Variants in PTPRR observed in about 807,000 individuals in gnomAD.
PTPRR encodes the protein protein tyrosine phosphatase receptor type R.
Under a neutral mutation model 77.2 loss-of-function variants are expected in PTPRR, and 38 were observed. The ratio of observed to expected loss-of-function variants is 0.49; its 90% CI spans 0.38 to 0.65. The LOEUF (loss-of-function observed/expected upper bound fraction) is 0.65. Ranked by LOEUF, PTPRR falls within the 30% of genes least tolerant of loss-of-function variation. The pLI is 0.00. For missense variants in PTPRR, 744 were observed against 799.2 expected (o/e 0.93, Z 0.83); for synonymous variants, 299 against 283.1 (o/e 1.06, Z -0.57).
intron 10 of PTPRR, among the ~76,000 whole-genome samples, chr12:70,669,969 T>C (rs1457166293): frequency 2.0e-5 from 3 of 152,130 alleles, no homozygotes; most frequent in South Asian, 2.1e-4. Flanking sequence ...ACATGTGTAA[T>C]TAAAATGAAT....
chr12:70,667,856 G>A (rs1887068347), intron 10 of PTPRR, among the ~76,000 whole-genome samples: 2 of 151,910 alleles, frequency 1.3e-5, no homozygotes, highest in Non-Finnish European at 2.9e-5. Flanking sequence ...TAGACCCTCT[G>A]GTTGTGGGAC....
At chr12:70,682,413 C>T (rs1211375541) in intron 10 of PTPRR, among the ~76,000 whole-genome samples, 1 of 152,168 alleles carries the variant, frequency 6.6e-6, no homozygotes, top group Non-Finnish European at 1.5e-5. Flanking sequence ...AGTTCCAACA[C>T]CTGGCTCCTG....
intron 2 of PTPRR, among the ~76,000 whole-genome samples, chr12:70,802,197 G>T (rs956135934): frequency 6.6e-6 from 1 of 152,138 alleles, no homozygotes; most frequent in African/African-American, 2.4e-5. Context: ...AAGAATTATT[G>T]AATTATTTAT....
At chr12:70,899,109 C>T (rs941271327) in intron 1 of PTPRR, among the ~76,000 whole-genome samples, 2 of 151,202 alleles carry the variant, frequency 1.3e-5, no homozygotes, top group African/African-American at 2.4e-5. Flanking sequence ...ATCTTCAGGA[C>T]CAAATGGCAT....
intron 1 of PTPRR, among the ~76,000 whole-genome samples, chr12:70,902,840 C>T (rs1376518291): frequency 1.3e-5 from 2 of 151,728 alleles, no homozygotes; most frequent in Non-Finnish European, 2.9e-5. Flanking sequence ...CACTAAAGAA[C>T]TTACCCATGT....
intron 6 of PTPRR, among the ~76,000 whole-genome samples, chr12:70,721,933 C>CG (rs752425016): frequency 4.6e-5 from 7 of 152,038 alleles, no homozygotes; most frequent in Non-Finnish European, 8.8e-5. Context: ...CTCTACAGCC[C>CG]AAATTGACCC....
intron 10 of PTPRR, among the ~76,000 whole-genome samples, chr12:70,681,937 CAA>C (rs1887678041): frequency 6.6e-6 from 1 of 151,212 alleles, no homozygotes; most frequent in South Asian, 2.1e-4. Context: ...TTTAAATACT[CAA>C]GAGAGCCTTT....
chr12:70,658,883 G>GATTTTTTTTTTT (rs1295017452), intron 12 of PTPRR, among the ~76,000 whole-genome samples: 1 of 36,926 alleles, frequency 2.7e-5, no homozygotes, highest in Non-Finnish European at 4.8e-5. Context: ...TTTTGCTCTA[G>GATTTTTTTTTTT]TTTTTTTTTT....
chr12:70,805,815 G>A (rs1172755783), intron 2 of PTPRR, among the ~76,000 whole-genome samples: 1 of 152,184 alleles, frequency 6.6e-6, no homozygotes, highest in African/African-American at 2.4e-5. Flanking sequence ...AAGTTGTAGA[G>A]TTGAAATTTA....
chr12:70,794,185 A>C (rs1022604000), intron 2 of PTPRR, among the ~76,000 whole-genome samples: 3 of 152,252 alleles, frequency 2.0e-5, no homozygotes, highest in African/African-American at 7.2e-5. Context: ...ATGTACATGT[A>C]ATCACATTAT....
intron 2 of PTPRR, among the ~76,000 whole-genome samples, chr12:70,831,572 G>A (rs1892213483): frequency 6.6e-6 from 1 of 152,112 alleles, no homozygotes; most frequent in African/African-American, 2.4e-5. Flanking sequence ...CTTCATTCTG[G>A]GTGAAGTGTT....
chr12:70,811,691 C>T (rs1452549075), intron 2 of PTPRR, among the ~76,000 whole-genome samples: 2 of 152,170 alleles, frequency 1.3e-5, no homozygotes, highest in Non-Finnish European at 2.9e-5. Flanking sequence ...TTTGCATGTA[C>T]TAGTTCATTA....
At chr12:70,759,262 G>T (rs1890632835) in intron 4 of PTPRR, among the ~76,000 whole-genome samples, 1 of 152,088 alleles carries the variant, frequency 6.6e-6, no homozygotes, top group East Asian at 1.9e-4. Flanking sequence ...CAGTTTTGTT[G>T]TGTGCCCATT....
rs1892894547 is a variant in PTPRR, at chr12:70,868,271, T to C, written c.357+24408A>G. 5.3e-5 allele frequency among the ~76,000 whole-genome samples: 8 copies of C among 150,688 alleles called. No homozygotes were observed. In the South Asian group the frequency reaches 1.7e-3, roughly 32 times the overall value. On this transcript the variant is annotated intron_variant, in intron 2 of 13. Transcript: ENST00000283228. ...AGGCAACCTACAAAATGGGAAAAAA[T>C]TTTCGCAACCTACTCATCTGACAAA...
At chr12:70,722,300 C>T (rs969204776) in intron 6 of PTPRR, among the ~76,000 whole-genome samples, 1 of 152,106 alleles carries the variant, frequency 6.6e-6, no homozygotes, top group African/African-American at 2.4e-5. Context: ...TTATCTAAAT[C>T]CCACCTTCCT....
chr12:70,713,107 T>C lies in PTPRR; in HGVS notation c.1008-11784A>G, dbSNP rs77002360. Among the ~76,000 whole-genome samples, 655 of 152,320 alleles carry C rather than the reference T, an allele frequency of 4.3e-3. 3 individuals are homozygous for C. Among genetic ancestry groups the C allele is most frequent in the African/African-American group, 0.014 (599 of 41,586 alleles). On this transcript the variant is annotated intron_variant, in intron 6 of 13. Coordinates refer to ENST00000283228, the MANE Select transcript of PTPRR (RefSeq NM_002849.4). ...TACATGCTGTGTCTGTAGATTTACC[T>C]GCTTTGGACATTTCGTATAAATGGA... is the stretch of plus-strand genomic sequence containing the variant.
intron 2 of PTPRR, among the ~76,000 whole-genome samples, chr12:70,772,286 A>G (rs548197254): frequency 2.0e-5 from 3 of 152,188 alleles, no homozygotes; most frequent in Non-Finnish European, 2.9e-5. Context: ...ACTTCTGAGT[A>G]CACACTTCTC....
intron 1 of PTPRR, among the ~76,000 whole-genome samples, chr12:70,898,556 T>C (rs1046925752): frequency 6.7e-6 from 1 of 148,862 alleles, no homozygotes; most frequent in African/African-American, 2.4e-5. Context: ...AATATATATA[T>C]ACACACATAT....
At chr12:70,860,501 T>C (rs1248661176) in intron 2 of PTPRR, among the ~76,000 whole-genome samples, 1 of 152,138 alleles carries the variant, frequency 6.6e-6, no homozygotes, top group Non-Finnish European at 1.5e-5. Flanking sequence ...TGTGGAAACT[T>C]CTGTATTAGT....
Sources: allele counts gnomAD v4.1 joint callset (sites outside exome capture counted in the v4.1 genomes callset), GRCh38; gene constraint gnomAD v4.1.1; transcripts MANE v1.5; gene names NCBI Gene and HGNC (gene_info 2026-07-23, HGNC 2026-07-21).